EFHD1: variants seen among roughly 807,000 people sequenced by gnomAD.
EFHD1 encodes EF-hand domain family member D1.
In EFHD1, 10 loss-of-function variants were observed where a neutral mutation model predicts 17.2. The ratio of observed to expected loss-of-function variants is 0.58; its 90% CI spans 0.36 to 0.99. The LOEUF (loss-of-function observed/expected upper bound fraction) is 0.99, where lower values mean the gene tolerates loss of function less well. Among genes scored for constraint, EFHD1 ranks in the 50% least tolerant of loss-of-function variants. EFHD1 has a pLI of 0.01. For synonymous variants in EFHD1, 153 were observed against 142.0 expected, an observed-to-expected ratio of 1.08 and a Z score of -0.55; for missense variants, 310 against 327.5, an observed-to-expected ratio of 0.95 and a Z score of 0.41.
chr2:232,636,968 C>G (rs934939546), intron 1 of EFHD1, among the ~76,000 whole-genome samples: 1 of 152,034 alleles, frequency 6.6e-6, no homozygotes, highest in Non-Finnish European at 1.5e-5. Flanking sequence ...GTTCCGGGTC[C>G]CCGTGGGACT....
intron 1 of EFHD1, among the ~76,000 whole-genome samples, chr2:232,635,114 T>C (rs932952910): frequency 1.3e-5 from 2 of 152,226 alleles, no homozygotes; most frequent in African/African-American, 4.8e-5. Context: ...TTCCAGGCAC[T>C]GATCTGTGGC....
intron 2 of EFHD1, among the ~76,000 whole-genome samples, chr2:232,667,556 T>A (rs182322115): frequency 1.8e-3 from 269 of 151,994 alleles, no homozygotes; most frequent in South Asian, 8.3e-3. Context: ...TTTATTTATT[T>A]ATTTATTTAT....
chr2:232,672,429 T>C lies in EFHD1; in HGVS notation c.571T>C (p.Phe191Leu), dbSNP rs1485489294. The change falls in exon 3 of 4, where the codon TTC becomes CTC. Residue 191 changes from phenylalanine to leucine, a missense_variant. Physicochemically the swap from Phe to Leu is conservative, Grantham distance 22 (BLOSUM62 0). Transcript: ENST00000264059. ...ALEGVKGAKN[F>L]FEAKVQALSS... is the part of the protein sequence containing the mutation. ...GGAGGGTGTCAAAGGTGCCAAGAACTTCTTTGAAGCCAAGGTAGGTGCTTA... is the reference window on the plus strand; with the variant it reads ...GGAGGGTGTCAAAGGTGCCAAGAACCTCTTTGAAGCCAAGGTAGGTGCTTA... The C allele has an allele frequency of 6.2e-7, 1 of 1,603,654 alleles. No individual in the cohort carries two copies.
At chr2:232,661,478 C>T (rs1252348459) in intron 1 of EFHD1, among the ~76,000 whole-genome samples, 1 of 152,046 alleles carries the variant, frequency 6.6e-6, no homozygotes, top group Non-Finnish European at 1.5e-5. Flanking sequence ...TATAAGCCTT[C>T]CCTTCCTTTT....
intron 1 of EFHD1, among the ~76,000 whole-genome samples, chr2:232,618,082 T>G (rs1015180896): frequency 1.3e-5 from 2 of 151,920 alleles, no homozygotes; most frequent in Non-Finnish European, 2.9e-5. Flanking sequence ...TGCAGTGGCT[T>G]GATCTCGGCT....
chr2:232,658,405 G>A (rs1423194561), intron 1 of EFHD1, among the ~76,000 whole-genome samples: 1 of 151,914 alleles, frequency 6.6e-6, no homozygotes, highest in Admixed American at 6.6e-5. Context: ...CCTGCTAGAG[G>A]GCGTTGCTCA....
intron 1 of EFHD1, among the ~76,000 whole-genome samples, chr2:232,653,341 A>G (rs545081374): frequency 6.6e-6 from 1 of 151,938 alleles, no homozygotes; most frequent in Admixed American, 6.6e-5. Flanking sequence ...CCCAGGCTGG[A>G]GTGCAGTGGC....
At chr2:232,666,982 T>G (rs558191884) in intron 2 of EFHD1, among the ~76,000 whole-genome samples, 1 of 152,340 alleles carries the variant, frequency 6.6e-6, no homozygotes, top group South Asian at 2.1e-4. Flanking sequence ...AATAGCTGTG[T>G]GAATAGCTTT....
chr2:232,658,640 A>G (rs1197014616), intron 1 of EFHD1, among the ~76,000 whole-genome samples: 1 of 152,190 alleles, frequency 6.6e-6, no homozygotes. Context: ...GAGTGAAGAA[A>G]CGAAGTGTGG....
chr2:232,619,341 G>A (rs1339926855), intron 1 of EFHD1, among the ~76,000 whole-genome samples: 2 of 143,356 alleles, frequency 1.4e-5, no homozygotes, highest in South Asian at 2.2e-4. Context: ...ATGAAGTCTC[G>A]CTCTTTTTCC....
rs199527017 is a variant in EFHD1 at position 232,675,203 on chromosome 2, A to AAAGGAAGG, written c.585+2774_585+2781dup. Reference sequence around the variant, plus strand: ...AAGAAAAAAAAGAGAGAGAGAAAAGAAAGGAAGGAAGGAAGGAAGGAGAAA... The same window carrying AAAGGAAGG: ...AAGAAAAAAAAGAGAGAGAGAAAAGAAAGGAAGGAAGGAAGGAAGGAAGGAAGGAGAAA... On this transcript the variant is annotated intron_variant, in intron 3 of 3. Transcript: ENST00000264059. Among the ~76,000 whole-genome samples, 1,189 of 149,344 alleles carry AAAGGAAGG rather than the reference A, an allele frequency of 8.0e-3. 14 individuals carry two copies. Among genetic ancestry groups the AAAGGAAGG allele is most frequent in the African/African-American group, 0.028 (1,117 of 39,826 alleles).
chr2:232,613,935 CATATACACACATAA>C (rs1693866966), intron 1 of EFHD1, among the ~76,000 whole-genome samples: 2 of 151,648 alleles, frequency 1.3e-5, no homozygotes, highest in Admixed American at 1.3e-4. Context: ...TACACATACC[CATATACACACATAA>C]ATATACACAC....
chr2:232,627,039 T>TCTCTCTCC (rs1465304586), intron 1 of EFHD1, among the ~76,000 whole-genome samples: 20 of 79,476 alleles, frequency 2.5e-4, no homozygotes, highest in Non-Finnish European at 4.6e-4. Flanking sequence ...TCTCTCTCTA[T>TCTCTCTCC]ATATATATAT....
intron 1 of EFHD1, chr2:232,606,251 CCAGAATAGGTG>C: frequency 6.7e-6 from 10 of 1,488,492 alleles, no homozygotes; most frequent in Non-Finnish European, 9.2e-6. Flanking sequence ...TTACTCTGGT[CCAGAATAGGTG>C]CGCGGTAATT....
intron 1 of EFHD1, among the ~76,000 whole-genome samples, chr2:232,645,059 G>C (rs1694504064): frequency 6.6e-6 from 1 of 151,698 alleles, no homozygotes; most frequent in Non-Finnish European, 1.5e-5. Context: ...GGCATTAGAG[G>C]TGTGAGCCAC....
At chr2:232,657,344 T>C (rs1694780944) in intron 1 of EFHD1, among the ~76,000 whole-genome samples, 1 of 152,202 alleles carries the variant, frequency 6.6e-6, no homozygotes. Context: ...CTGGCTTATT[T>C]CACTTGGCAC....
intron 1 of EFHD1, among the ~76,000 whole-genome samples, chr2:232,624,307 T>C (rs961251431): frequency 1.3e-5 from 2 of 152,196 alleles, no homozygotes; most frequent in African/African-American, 4.8e-5. Flanking sequence ...CAGCCCCAGC[T>C]TGCCCCCCAG....
chr2:232,673,385 T>C (rs989661551), intron 3 of EFHD1, among the ~76,000 whole-genome samples: 15 of 152,202 alleles, frequency 9.9e-5, no homozygotes, highest in African/African-American at 3.6e-4. Flanking sequence ...TGATACGTGC[T>C]CTAGTTGAAG....
At chr2:232,659,374 C>T (rs1227022205) in intron 1 of EFHD1, among the ~76,000 whole-genome samples, 1 of 151,984 alleles carries the variant, frequency 6.6e-6, no homozygotes, top group African/African-American at 2.4e-5. Context: ...GAAGGATGGA[C>T]AGTGGGTGCT....
Sources: allele counts gnomAD v4.1 joint callset (sites outside exome capture counted in the v4.1 genomes callset), GRCh38; gene constraint gnomAD v4.1.1; transcripts MANE v1.5; gene names NCBI Gene and HGNC (gene_info 2026-07-23, HGNC 2026-07-21).